RSRC1: variants seen among roughly 807,000 people sequenced by gnomAD.
RSRC1 encodes serine/Arginine-related protein 53.
RSRC1 carries 39 observed loss-of-function variants against 49.1 expected under a neutral mutation model. That is an observed-to-expected ratio of 0.79 (90% CI 0.61 to 1.04). RSRC1 has a LOEUF of 1.04. RSRC1 is among the 50% of genes least tolerant of loss of function. The pLI is 0.00. For missense variants in RSRC1, 388 were observed against 402.4 expected (o/e 0.96, Z 0.31); for synonymous variants, 143 against 130.8 (o/e 1.09, Z -0.63).
At chr3:158,473,259 A>G (rs1362532818) in intron 7 of RSRC1, among the ~76,000 whole-genome samples, 3 of 152,200 alleles carry the variant, frequency 2.0e-5, no homozygotes, top group Non-Finnish European at 4.4e-5. Context: ...ACTTGGAACC[A>G]ACCCAAATGT....
chr3:158,307,046 A>G (rs375146759), intron 5 of RSRC1, among the ~76,000 whole-genome samples: 7 of 151,428 alleles, frequency 4.6e-5, no homozygotes, highest in African/African-American at 1.7e-4. Flanking sequence ...GGCCAAGTGG[A>G]GTGAGTGGTA....
chr3:158,516,084 T>G (rs1740509411), intron 7 of RSRC1, among the ~76,000 whole-genome samples: 1 of 152,254 alleles, frequency 6.6e-6, no homozygotes, highest in Non-Finnish European at 1.5e-5. Flanking sequence ...ATCTGAAGCC[T>G]TCTTCTCTCA....
chr3:158,280,883 G>T (rs933503999), intron 4 of RSRC1, among the ~76,000 whole-genome samples: 3 of 151,994 alleles, frequency 2.0e-5, no homozygotes, highest in African/African-American at 7.3e-5. Flanking sequence ...CTGAGCTCAG[G>T]CAATCCACCC....
At chr3:158,323,353 G>A (rs1389197567) in intron 5 of RSRC1, among the ~76,000 whole-genome samples, 4 of 152,106 alleles carry the variant, frequency 2.6e-5, no homozygotes, top group South Asian at 4.1e-4. Flanking sequence ...CAGAGGTCAC[G>A]GTCGAATACG....
At chr3:158,220,024 A>G (rs1245990914) in intron 4 of RSRC1, among the ~76,000 whole-genome samples, 3 of 151,464 alleles carry the variant, frequency 2.0e-5, no homozygotes, top group Non-Finnish European at 3.0e-5. Context: ...TTTAAGTCCA[A>G]CTCTTTCATT....
chr3:158,111,715 C>T (rs1266683638), intron 1 of RSRC1, among the ~76,000 whole-genome samples: 1 of 152,098 alleles, frequency 6.6e-6, no homozygotes, highest in Non-Finnish European at 1.5e-5. Context: ...CTTTTTCTGG[C>T]CATGTGTCCA....
intron 3 of RSRC1, among the ~76,000 whole-genome samples, chr3:158,157,153 G>A (rs1717926540): frequency 6.6e-6 from 1 of 152,166 alleles, no homozygotes; most frequent in South Asian, 2.1e-4. Context: ...TTGTAAAAGT[G>A]AAGAAATACT....
intron 3 of RSRC1, among the ~76,000 whole-genome samples, chr3:158,134,227 A>G (rs1241618673): frequency 6.6e-6 from 1 of 152,036 alleles, no homozygotes; most frequent in Non-Finnish European, 1.5e-5. Flanking sequence ...ATTTTAACCT[A>G]TGACTGAAGA....
chr3:158,530,914 A>T (rs531307359), intron 7 of RSRC1, among the ~76,000 whole-genome samples: 34 of 62,406 alleles, frequency 5.4e-4, no homozygotes, highest in Admixed American at 1.9e-3. Flanking sequence ...AATAATAAAT[A>T]AAAAAAAAAA....
In RSRC1 at chr3:158,515,072, A is replaced by G. The variant is rs534984888; in HGVS notation, c.653-22020A>G. Among the ~76,000 whole-genome samples the G allele has an allele frequency of 1.3e-3, 187 of 146,728 alleles. 1 individual carries two copies. Among genetic ancestry groups the G allele is most frequent in the African/African-American group, 4.4e-3 (176 of 39,660 alleles). ...CTGATGGGTCTTGACTCTTTATCCA[A>G]CTTGCCAGTCTGTGTCTTTTAATTG... On this transcript the variant is annotated intron_variant, in intron 7 of 9. Transcript: ENST00000611884.
At chr3:158,124,170 G>A (rs1171861790) in intron 3 of RSRC1, among the ~76,000 whole-genome samples, 179 bp downstream of exon 3, 1 of 152,140 alleles carries the variant, frequency 6.6e-6, no homozygotes, top group Non-Finnish European at 1.5e-5. Flanking sequence ...GATTGGAACT[G>A]GATGGTCTAA....
intron 3 of RSRC1, among the ~76,000 whole-genome samples, chr3:158,141,501 T>A (rs139776237): frequency 0.013 from 1,980 of 152,326 alleles, 28 homozygotes; most frequent in Non-Finnish European, 0.019. Context: ...GCTTTTAGAA[T>A]TAAACTTAAA....
At chr3:158,132,749 T>C (rs960186356) in intron 3 of RSRC1, among the ~76,000 whole-genome samples, 1 of 152,212 alleles carries the variant, frequency 6.6e-6, no homozygotes, top group Non-Finnish European at 1.5e-5. Flanking sequence ...CCTCATTGTA[T>C]TGCACTATTA....
intron 7 of RSRC1, among the ~76,000 whole-genome samples, chr3:158,482,609 C>T (rs543997292): frequency 6.6e-6 from 1 of 152,044 alleles, no homozygotes; most frequent in Non-Finnish European, 1.5e-5. Flanking sequence ...TCTCACTGCT[C>T]TTTAGTGAGA....
At chr3:158,473,851 A>G (rs1352824015) in intron 7 of RSRC1, among the ~76,000 whole-genome samples, 2 of 152,142 alleles carry the variant, frequency 1.3e-5, no homozygotes, top group South Asian at 2.1e-4. Context: ...TTGGCATTCT[A>G]TGTGAACTCA....
chr3:158,433,787 A>G (rs539146941), intron 6 of RSRC1, among the ~76,000 whole-genome samples: 1 of 152,134 alleles, frequency 6.6e-6, no homozygotes, highest in Non-Finnish European at 1.5e-5. Context: ...ATCTCTAGAC[A>G]TAATTTTTGT....
chr3:158,373,291 T>G (rs1431560147), intron 6 of RSRC1, among the ~76,000 whole-genome samples: 1 of 151,930 alleles, frequency 6.6e-6, no homozygotes, highest in East Asian at 1.9e-4. Context: ...AGAGTGGATA[T>G]CCTTCATTTA....
At chr3:158,334,775 C>A (rs1038781913) in intron 5 of RSRC1, among the ~76,000 whole-genome samples, 2 of 151,852 alleles carry the variant, frequency 1.3e-5, no homozygotes, top group Non-Finnish European at 1.5e-5. Context: ...CACCTCAGCC[C>A]CCACAAAGTG....
Position 158,417,255 on chromosome 3 carries a change from T to G in RSRC1, c.584-43680T>G, listed in dbSNP as rs1307299484. On this transcript the variant is annotated intron_variant, in intron 6 of 9. Coordinates refer to ENST00000611884, the MANE Select transcript of RSRC1 (RefSeq NM_001271838.2). The stretch of plus-strand genomic sequence containing the variant: ...TGAGACCTCTAGTTTATCAAAACTT[T>G]TACATATAATATCAACGTAGGTATA... Among the ~76,000 whole-genome samples, 3 of 152,090 alleles carry G rather than the reference T, an allele frequency of 2.0e-5. No individual in the cohort carries two copies. In the East Asian group the frequency reaches 5.8e-4, roughly 29 times the overall value.
Sources: allele counts gnomAD v4.1 joint callset (sites outside exome capture counted in the v4.1 genomes callset), GRCh38; gene constraint gnomAD v4.1.1; transcripts MANE v1.5; gene names NCBI Gene and HGNC (gene_info 2026-07-23, HGNC 2026-07-21).